AFF3: variants seen among roughly 807,000 people sequenced by gnomAD.
AFF3 encodes AF4/FMR2 family member 3.
In AFF3, 32 loss-of-function variants were observed where a neutral mutation model predicts 129.7. The observed-to-expected ratio is 0.25, with a 90% CI of 0.19 to 0.33. The LOEUF is 0.33. AFF3 is among the 10% of genes least tolerant of loss of function. AFF3 has a pLI of 1.00. For synonymous variants in AFF3, 644 were observed against 635.4 expected, an observed-to-expected ratio of 1.01 and a Z score of -0.20; for missense variants, 1,373 against 1,592.0, an observed-to-expected ratio of 0.86 and a Z score of 2.34.
chr2:100,080,405 A>G (rs1271794577), intron 4 of AFF3, among the ~76,000 whole-genome samples: 1 of 152,226 alleles, frequency 6.6e-6, no homozygotes, highest in East Asian at 1.9e-4. Context: ...TTTTCCTTAC[A>G]TTTTTATCTG....
chr2:99,734,333 G>A (rs2105058771), intron 10 of AFF3, among the ~76,000 whole-genome samples: 1 of 150,736 alleles, frequency 6.6e-6, no homozygotes, highest in African/African-American at 2.4e-5. Context: ...TATAATTTGA[G>A]AAAATGAATG....
At chr2:99,874,371 C>T (rs1161560248) in intron 7 of AFF3, among the ~76,000 whole-genome samples, 4 of 152,098 alleles carry the variant, frequency 2.6e-5, no homozygotes, top group Admixed American at 2.6e-4. Context: ...CACCAAGAGA[C>T]AGAAGAGAAA....
At chr2:99,653,475 A>G (rs1685462326) in intron 12 of AFF3, among the ~76,000 whole-genome samples, 1 of 152,254 alleles carries the variant, frequency 6.6e-6, no homozygotes, top group Non-Finnish European at 1.5e-5. Flanking sequence ...GTGATACGGA[A>G]ACAGCGCTTG....
At chr2:100,108,347 G>A (rs1326466940) in intron 2 of AFF3, among the ~76,000 whole-genome samples, 1 of 152,110 alleles carries the variant, frequency 6.6e-6, no homozygotes, top group Non-Finnish European at 1.5e-5. Context: ...TAGGATTCGA[G>A]GTGCCTTTCT....
At chr2:99,562,319 C>T (rs1271521465) in intron 20 of AFF3, among the ~76,000 whole-genome samples, 1 of 152,154 alleles carries the variant, frequency 6.6e-6, no homozygotes, top group Non-Finnish European at 1.5e-5. Context: ...TCTTATTGTG[C>T]TTGAGGCTGT....
intron 7 of AFF3, among the ~76,000 whole-genome samples, chr2:99,947,617 T>A (rs897722673): frequency 3.0e-5 from 4 of 133,542 alleles, no homozygotes; most frequent in East Asian, 2.1e-4. Context: ...GATAGATAGA[T>A]AGATAGATAG....
At chr2:99,634,789 GA>G (rs1683464312) in intron 13 of AFF3, among the ~76,000 whole-genome samples, 1 of 151,086 alleles carries the variant, frequency 6.6e-6, no homozygotes, top group Admixed American at 6.6e-5. Flanking sequence ...AAGGATGGTT[GA>G]AGTCCCCAGA....
At chr2:100,030,261 A>G (rs1182283621) in intron 4 of AFF3, among the ~76,000 whole-genome samples, 1 of 152,186 alleles carries the variant, frequency 6.6e-6, no homozygotes, top group African/African-American at 2.4e-5. Flanking sequence ...TAGCAAAATG[A>G]CAGTATTCTA....
intron 13 of AFF3, among the ~76,000 whole-genome samples, chr2:99,639,434 T>C (rs1050467081): frequency 1.1e-4 from 16 of 152,194 alleles, no homozygotes; most frequent in Admixed American, 7.2e-4. Context: ...TTTGTGACTA[T>C]AGATGGTACT....
chr2:99,594,332 C>T (rs1679075994), intron 14 of AFF3, 43 bp from the exon 15 acceptor site: 1 of 1,563,282 alleles, frequency 6.4e-7, no homozygotes, highest in South Asian at 1.2e-5. Flanking sequence ...TCTTTCATTA[C>T]AGGCTCACTT....
intron 8 of AFF3, among the ~76,000 whole-genome samples, chr2:99,803,770 T>C (rs1041612734): frequency 6.6e-6 from 1 of 151,908 alleles, no homozygotes; most frequent in Non-Finnish European, 1.5e-5. Flanking sequence ...AACCCAGAAA[T>C]AAAGCCAAAT....
At chr2:99,830,783 C>A (rs2105754440) in intron 8 of AFF3, among the ~76,000 whole-genome samples, 1 of 152,322 alleles carries the variant, frequency 6.6e-6, no homozygotes. Flanking sequence ...AAGACAATCA[C>A]AACAGGACCT....
chr2:100,111,962 G>C (rs191620175), intron 2 of AFF3, among the ~76,000 whole-genome samples: 1 of 152,178 alleles, frequency 6.6e-6, no homozygotes, highest in Admixed American at 6.5e-5. Flanking sequence ...CTTTTCAAGG[G>C]CTCAGCTCTA....
chr2:99,787,850 C>T (rs891065562), intron 8 of AFF3, among the ~76,000 whole-genome samples: 3 of 152,164 alleles, frequency 2.0e-5, no homozygotes, highest in African/African-American at 4.8e-5. Context: ...TATCAGCAAA[C>T]GCCTCCTAAA....
chr2:99,905,530 G>T (rs761843950), intron 7 of AFF3, among the ~76,000 whole-genome samples: 21 of 152,172 alleles, frequency 1.4e-4, no homozygotes, highest in Middle Eastern at 3.2e-3. Context: ...AAATGCCAAG[G>T]AGGAACCACA....
intron 11 of AFF3, among the ~76,000 whole-genome samples, chr2:99,710,758 A>C (rs1288522647): frequency 6.6e-6 from 1 of 152,172 alleles, no homozygotes. Flanking sequence ...TCATTTAAGA[A>C]GTTAAAAGTG....
chr2:99,582,013 C>T (rs1490689273), intron 17 of AFF3, among the ~76,000 whole-genome samples: 2 of 152,116 alleles, frequency 1.3e-5, no homozygotes, highest in South Asian at 2.1e-4. Context: ...TGCCACCACG[C>T]TAGGCTAATT....
intron 4 of AFF3, among the ~76,000 whole-genome samples, chr2:100,091,706 ATC>A (rs1201314453): frequency 1.2e-5 from 1 of 80,674 alleles, no homozygotes; most frequent in Non-Finnish European, 2.6e-5. Flanking sequence ...ATCCCAAAGT[ATC>A]TACACAGATT....
intron 22 of AFF3, among the ~76,000 whole-genome samples, chr2:99,558,517 G>A (rs1019212497): frequency 1.3e-5 from 2 of 152,180 alleles, no homozygotes; most frequent in African/African-American, 4.8e-5. Context: ...CTACTTGGGA[G>A]GCTGAGGCAG....
Sources: allele counts gnomAD v4.1 joint callset (sites outside exome capture counted in the v4.1 genomes callset), GRCh38; gene constraint gnomAD v4.1.1; transcripts MANE v1.5; gene names NCBI Gene and HGNC (gene_info 2026-07-23, HGNC 2026-07-21).